Variants in TENM4 observed in about 807,000 individuals in gnomAD.
TENM4 encodes the protein teneurin-4.
TENM4 carries 82 observed loss-of-function variants against 243.3 expected under a neutral mutation model. The observed-to-expected ratio is 0.34, with a 90% CI of 0.28 to 0.40. The LOEUF is 0.40. Among genes scored for constraint, TENM4 ranks in the 10% least tolerant of loss-of-function variants. The pLI is 1.00. For missense variants in TENM4, 3,138 were observed against 3,673.3 expected, an observed-to-expected ratio of 0.85 and a Z score of 3.77; for synonymous variants, 1,412 against 1,456.3, an observed-to-expected ratio of 0.97 and a Z score of 0.69.
At chr11:79,205,915 G>A (rs550490239) in intron 3 of TENM4, among the ~76,000 whole-genome samples, 1 of 152,382 alleles carries the variant, frequency 6.6e-6, no homozygotes, top group Non-Finnish European at 1.5e-5. Flanking sequence ...CCACCGTGCT[G>A]AGAAGAGGGT....
At chr11:79,370,445 C>T (rs1004215048) in intron 1 of TENM4, among the ~76,000 whole-genome samples, 3 of 152,162 alleles carry the variant, frequency 2.0e-5, no homozygotes, top group Non-Finnish European at 4.4e-5. Flanking sequence ...TAACTATTCC[C>T]TCCATCATGC....
chr11:78,790,620 G>A (rs1163373166), intron 15 of TENM4, among the ~76,000 whole-genome samples: 1 of 152,198 alleles, frequency 6.6e-6, no homozygotes, highest in Non-Finnish European at 1.5e-5. Flanking sequence ...ATGAGGTCAT[G>A]TGATCATCTA....
chr11:78,824,253 G>A lies in TENM4; in HGVS notation c.1682-9858C>T, dbSNP rs529549253. ...AGGCTGTACAGGAAGCATAACACCGGCATCTGCTTCTGGGGAGACCACTGG... is the reference window on the plus strand; with the variant it reads ...AGGCTGTACAGGAAGCATAACACCGACATCTGCTTCTGGGGAGACCACTGG... On this transcript the variant is annotated intron_variant, in intron 12 of 33. Coordinates refer to ENST00000278550, the MANE Select transcript of TENM4 (RefSeq NM_001098816.3). Among the ~76,000 whole-genome samples, 12 of 152,290 alleles carry A rather than the reference G, an allele frequency of 7.9e-5. No homozygotes were observed. In the South Asian group the frequency reaches 1.9e-3, roughly 24 times the overall value.
At chr11:79,284,313 G>A (rs910639209) in intron 2 of TENM4, among the ~76,000 whole-genome samples, 2 of 152,138 alleles carry the variant, frequency 1.3e-5, no homozygotes, top group Non-Finnish European at 2.9e-5. Flanking sequence ...AATTTACTAC[G>A]AAGCTACAGT....
intron 18 of TENM4, among the ~76,000 whole-genome samples, chr11:78,758,180 G>A (rs1856353622): frequency 6.6e-6 from 1 of 152,164 alleles, no homozygotes; most frequent in Non-Finnish European, 1.5e-5. Flanking sequence ...TTCAAATTCT[G>A]GCTCTGCTGC....
chr11:79,337,796 A>G (rs958642248), intron 1 of TENM4, among the ~76,000 whole-genome samples: 1 of 152,168 alleles, frequency 6.6e-6, no homozygotes, highest in Non-Finnish European at 1.5e-5. Flanking sequence ...TCCTTGCCAG[A>G]GTGGGTTTCT....
chr11:78,823,851 T>C (rs1166743570), intron 12 of TENM4, among the ~76,000 whole-genome samples: 1 of 152,222 alleles, frequency 6.6e-6, no homozygotes, highest in African/African-American at 2.4e-5. Context: ...AGGATCTACT[T>C]CATAGCTTGG....
intron 19 of TENM4, among the ~76,000 whole-genome samples, chr11:78,755,084 C>T (rs1375146847): frequency 1.3e-5 from 2 of 152,214 alleles, no homozygotes; most frequent in African/African-American, 2.4e-5. Context: ...CTGGGGATGA[C>T]AGCAGCTGCC....
intron 28 of TENM4, among the ~76,000 whole-genome samples, chr11:78,690,292 C>G (rs1284060134): frequency 4.6e-5 from 7 of 152,180 alleles, no homozygotes; most frequent in Non-Finnish European, 1.0e-4. Context: ...TGGAGACCCT[C>G]TCAGAGCTCT....
chr11:78,815,647 A>C (rs1276649834), intron 12 of TENM4, among the ~76,000 whole-genome samples: 1 of 152,230 alleles, frequency 6.6e-6, no homozygotes, highest in African/African-American at 2.4e-5. Flanking sequence ...CTCATTTCTC[A>C]ATAATGCTGG....
intron 3 of TENM4, among the ~76,000 whole-genome samples, chr11:79,155,561 G>A (rs1318334268): frequency 6.6e-6 from 1 of 151,994 alleles, no homozygotes; most frequent in Non-Finnish European, 1.5e-5. Context: ...AATATTTGAT[G>A]TTTAAATAAT....
chr11:78,730,615 G>A (rs1413725572), intron 21 of TENM4, among the ~76,000 whole-genome samples: 1 of 152,192 alleles, frequency 6.6e-6, no homozygotes, highest in African/African-American at 2.4e-5. Context: ...ATGCCAGCAT[G>A]CCCAAGCAGA....
chr11:78,863,194 C>T, intron 9 of TENM4, 62 bp from the exon 10 acceptor site: 1 of 1,426,364 alleles, frequency 7.0e-7, no homozygotes, highest in Non-Finnish European at 9.4e-7. Flanking sequence ...GACTCCCAAG[C>T]CATAAGGGAA....
At chr11:78,792,770 T>C (rs142746249) in intron 15 of TENM4, among the ~76,000 whole-genome samples, 156 of 152,364 alleles carry the variant, frequency 1.0e-3, no homozygotes, top group African/African-American at 3.6e-3. Context: ...AAATATATTA[T>C]GTAGAGGCTC....
rs1858248005 is a variant in TENM4 at position 78,669,314 on chromosome 11, T to A, written c.7031A>T (p.His2344Leu). Residue 2344 changes from histidine (H) to leucine (L), a missense_variant, in exon 32 of 34, where the codon CAC (histidine) becomes CTC (leucine). By Grantham distance (99) the His-to-Leu change is moderately conservative. Transcript: ENST00000278550. The surrounding 1 kb of genome is among the most constrained non-coding windows in gnomAD (Gnocchi z 6.4). ...ACTGCTCAGCTCCATGGCAAAGAGG[T>A]GTCCTTGCAAGTCGTAGTAGAGGGA... ...ITSLYYDLQG[H>L]LFAMELSSGD... The A allele has an allele frequency of 1.2e-6, 2 of 1,613,788 alleles. No homozygotes were observed. Among genetic ancestry groups the A allele is most frequent in the Non-Finnish European group, 1.7e-6 (2 of 1,179,824 alleles).
chr11:78,960,346 A>G (rs117429309), intron 6 of TENM4, among the ~76,000 whole-genome samples: 1 of 152,246 alleles, frequency 6.6e-6, no homozygotes, highest in Non-Finnish European at 1.5e-5. Flanking sequence ...TCAAGGACAA[A>G]GATCTCTCTG....
At chr11:79,311,572 T>G (rs1261117795) in intron 1 of TENM4, among the ~76,000 whole-genome samples, 1 of 152,226 alleles carries the variant, frequency 6.6e-6, no homozygotes, top group Non-Finnish European at 1.5e-5. Flanking sequence ...ATACAGTTTT[T>G]TATGAGTCCA....
intron 1 of TENM4, among the ~76,000 whole-genome samples, chr11:79,384,482 T>C (rs1437666552): frequency 2.0e-5 from 3 of 152,148 alleles, no homozygotes; most frequent in Non-Finnish European, 2.9e-5. Context: ...TCTGAGCTCC[T>C]GGTCTGAGAT....
chr11:79,435,720 A>T (rs1859259415), intron 1 of TENM4, among the ~76,000 whole-genome samples: 1 of 152,214 alleles, frequency 6.6e-6, no homozygotes, highest in Non-Finnish European at 1.5e-5. Flanking sequence ...ACTGGTGCTT[A>T]TCAAGTCTCA....
Sources: gnomAD v4.1 joint callset for allele counts (sites outside exome capture counted in the v4.1 genomes callset) on GRCh38, gnomAD v4.1.1 for gene constraint, Gnocchi (gnomAD v3.1) non-coding constraint, MANE v1.5 for transcripts, NCBI Gene and HGNC (gene_info 2026-07-23, HGNC 2026-07-21) for gene names.